GOLT1B: variants seen among roughly 807,000 people sequenced by gnomAD.
The protein encoded by GOLT1B is vesicle transport protein GOT1B.
GOLT1B carries 3 observed loss-of-function variants against 15.4 expected under a neutral mutation model. The ratio of observed to expected loss-of-function variants is 0.19; its 90% CI spans 0.09 to 0.50. The LOEUF is 0.50. GOLT1B is among the 20% of genes least tolerant of loss of function. The pLI is 0.97. For synonymous variants in GOLT1B, 65 were observed against 56.2 expected (o/e 1.16, Z -0.70); for missense variants, 145 against 160.4 (o/e 0.90, Z 0.52).
chr12:21,514,181 T>C lies in GOLT1B; in HGVS notation c.379-1488T>C, dbSNP rs751331939. On this transcript the variant is annotated intron_variant, in intron 4 of 4. Coordinates refer to ENST00000229314, the MANE Select transcript of GOLT1B (RefSeq NM_016072.5). Reference sequence around the variant, plus strand: ...AGAAGTATTCATATCCTTCTTTGGATTGGTTTCATAGATCCAACTCTGTCC... The same window carrying C: ...AGAAGTATTCATATCCTTCTTTGGACTGGTTTCATAGATCCAACTCTGTCC... Among the ~76,000 whole-genome samples the C allele has an allele frequency of 4.7e-4, 72 of 152,234 alleles. 2 individuals are homozygous for C. Among genetic ancestry groups the C allele is most frequent in the Non-Finnish European group, 2.8e-4 (19 of 68,046 alleles).
intron 4 of GOLT1B, among the ~76,000 whole-genome samples, chr12:21,514,485 C>G (rs1943742124): frequency 6.6e-6 from 1 of 152,146 alleles, no homozygotes; most frequent in Non-Finnish European, 1.5e-5. Context: ...TTCAAGTTAC[C>G]TTTGGAGAGA....
chr12:21,509,420 A>G (rs937099563), intron 3 of GOLT1B, among the ~76,000 whole-genome samples: 2 of 150,802 alleles, frequency 1.3e-5, no homozygotes, highest in African/African-American at 4.9e-5. Context: ...AAAAAAAAAA[A>G]AAAACAGAAA....
At chr12:21,513,657 C>G (rs1943736105) in intron 4 of GOLT1B, among the ~76,000 whole-genome samples, 1 of 151,864 alleles carries the variant, frequency 6.6e-6, no homozygotes, top group South Asian at 2.1e-4. Context: ...TCAGGCCATG[C>G]ATGGTGGTTC....
chr12:21,506,092 C>T (rs1943676673), intron 1 of GOLT1B, among the ~76,000 whole-genome samples: 1 of 152,076 alleles, frequency 6.6e-6, no homozygotes, highest in East Asian at 1.9e-4. Context: ...TTGCATCTGG[C>T]AGTTGATCAA....
intron 1 of GOLT1B, among the ~76,000 whole-genome samples, chr12:21,505,204 A>G (rs4762835): frequency 0.45 from 68,649 of 151,944 alleles, 16,175 homozygotes; most frequent in East Asian, 0.68. Flanking sequence ...AGTACATAGT[A>G]GGTGTCTTTC....
At chr12:21,512,400 G>A in intron 4 of GOLT1B, 24 bp downstream of exon 4, 1 of 1,075,352 alleles carries the variant, frequency 9.3e-7, no homozygotes, top group Non-Finnish European at 1.4e-6. Flanking sequence ...TATATTTTAG[G>A]CCAACAAAAT....
intron 1 of GOLT1B, among the ~76,000 whole-genome samples, chr12:21,503,765 A>G (rs1307942203): frequency 6.6e-6 from 1 of 152,206 alleles, no homozygotes; most frequent in African/African-American, 2.4e-5. Context: ...GTGATTTGTC[A>G]GGATTATTCT....
intron 2 of GOLT1B, chr12:21,507,334 A>G (rs1943685868): frequency 9.1e-6 from 2 of 219,976 alleles, no homozygotes; most frequent in Non-Finnish European, 1.8e-5. Context: ...TTCACATTTG[A>G]TTCAGCTGCA....
intron 3 of GOLT1B, among the ~76,000 whole-genome samples, chr12:21,509,308 C>T (rs566096037): frequency 4.2e-4 from 56 of 133,590 alleles, no homozygotes; most frequent in African/African-American, 1.5e-3. Context: ...CTGAGGCAGG[C>T]GAATTGTTTG....
intron 2 of GOLT1B, chr12:21,507,291 C>T (rs1943685364): frequency 8.6e-6 from 2 of 233,150 alleles, no homozygotes; most frequent in South Asian, 6.0e-5. Context: ...CTTGATAAAT[C>T]ACTAAAGTAT....
intron 3 of GOLT1B, among the ~76,000 whole-genome samples, chr12:21,511,336 C>CA (rs376008038): frequency 6.7e-6 from 1 of 150,172 alleles, no homozygotes; most frequent in Non-Finnish European, 1.5e-5. Flanking sequence ...GATCCCCCCC[C>CA]ACCCTCCCCA....
Position 21,508,321 on chromosome 12 carries a change from G to C in GOLT1B, c.118-62G>C, listed in dbSNP as rs563895527. 4 of 998,388 alleles carry C rather than the reference G, an allele frequency of 4.0e-6. No individual in the cohort carries two copies. In the African/African-American group the frequency reaches 4.9e-5, roughly 12 times the overall value. The allele number at this position is 998,388 out of a possible 1,614,324, so 61.8% of individuals were successfully genotyped here. ...TTTTTATATTTAGCTTTGACTTTAC[G>C]TTTAAAATTTATGCATTGTGTTTAA... On this transcript the variant is annotated intron_variant, in intron 2 of 4. Coordinates refer to ENST00000229314, the MANE Select transcript of GOLT1B (RefSeq NM_016072.5).
intron 1 of GOLT1B, among the ~76,000 whole-genome samples, chr12:21,505,343 T>C (rs1943671618): frequency 6.6e-6 from 1 of 152,218 alleles, no homozygotes; most frequent in South Asian, 2.1e-4. Context: ...ACTAAATAGT[T>C]ATTTAATAGA....
intron 1 of GOLT1B, 89 bp from the exon 2 acceptor site, chr12:21,506,796 A>G: frequency 1.7e-6 from 1 of 601,706 alleles, no homozygotes; most frequent in Non-Finnish European, 3.0e-6. Context: ...ATACCTATGA[A>G]AGGAAAACTG....
At chr12:21,510,104 G>A (rs749054990) in intron 3 of GOLT1B, among the ~76,000 whole-genome samples, 1 of 152,144 alleles carries the variant, frequency 6.6e-6, no homozygotes, top group Non-Finnish European at 1.5e-5. Flanking sequence ...GAGAAAAACT[G>A]AAGTCAGGGG....
intron 3 of GOLT1B, among the ~76,000 whole-genome samples, chr12:21,510,244 G>T (rs1476448275): frequency 3.3e-5 from 5 of 152,154 alleles, no homozygotes; most frequent in Admixed American, 6.5e-5. Flanking sequence ...GAAAAGAGGT[G>T]GGAGAAGAAC....
intron 2 of GOLT1B, chr12:21,507,236 G>C (rs1403430462): frequency 7.8e-6 from 3 of 384,544 alleles, no homozygotes; most frequent in Non-Finnish European, 9.6e-6. Flanking sequence ...AATGAAGGCT[G>C]CCTCTAAATA....
rs112738290 is a variant in GOLT1B at position 21,507,155 on chromosome 12, A to G, written c.117+179A>G. The G allele has an allele frequency of 6.8e-4, 432 of 634,618 alleles. 4 individuals are homozygous for G. Among genetic ancestry groups the G allele is most frequent in the African/African-American group, 6.2e-3 (344 of 55,562 alleles). 39.3% of individuals were successfully genotyped at this position (634,618 alleles called of 1,614,324 possible). A position where few individuals can be genotyped will look rare whatever the true frequency, so the allele number is the denominator to read the frequency against. On this transcript the variant is annotated intron_variant, in intron 2 of 4. Transcript: ENST00000229314. ...CAGCTTTCTGTTTAAATAAAAGGTA[A>G]ACACTTAATGAGGTTTTCTAATTCC...
At chr12:21,513,674 G>A (rs1363233870) in intron 4 of GOLT1B, among the ~76,000 whole-genome samples, 2 of 151,164 alleles carry the variant, frequency 1.3e-5, no homozygotes, top group African/African-American at 2.4e-5. Flanking sequence ...GTTCACTCCT[G>A]TAATTCCAGC....
Sources: gnomAD v4.1 joint callset for allele counts (sites outside exome capture counted in the v4.1 genomes callset) on GRCh38, gnomAD v4.1.1 for gene constraint, MANE v1.5 for transcripts, NCBI Gene and HGNC (gene_info 2026-07-23, HGNC 2026-07-21) for gene names.